CCSER1: variants seen among roughly 807,000 people sequenced by gnomAD.
CCSER1 encodes coiled-coil serine rich protein 1.
In CCSER1, 41 loss-of-function variants were observed where a neutral mutation model predicts 82.0. The observed-to-expected ratio is 0.50, with a 90% CI of 0.39 to 0.65. CCSER1 has a LOEUF of 0.65. CCSER1 is among the 30% of genes least tolerant of loss of function. The probability of loss-of-function intolerance (pLI) is 0.00; values close to 1 mark genes in which losing one functional copy is unlikely to be tolerated. For missense variants in CCSER1, 1,119 were observed against 1,064.2 expected, an observed-to-expected ratio of 1.05 and a Z score of -0.72; for synonymous variants, 414 against 383.9, an observed-to-expected ratio of 1.08 and a Z score of -0.92.
At chr4:90,584,361 A>G (rs545856069) in intron 5 of CCSER1, among the ~76,000 whole-genome samples, 93 of 152,190 alleles carry the variant, frequency 6.1e-4, no homozygotes, top group Non-Finnish European at 1.2e-3. Context: ...GGTGGCTTCT[A>G]GTTGCTAAGA....
chr4:90,535,019 A>C (rs1305412844), intron 5 of CCSER1, among the ~76,000 whole-genome samples: 2 of 152,332 alleles, frequency 1.3e-5, no homozygotes, highest in Middle Eastern at 3.4e-3. Context: ...ATATTGAGGA[A>C]CATTGTTCTA....
At chr4:90,832,287 T>C (rs1352097093) in intron 8 of CCSER1, among the ~76,000 whole-genome samples, 1 of 152,142 alleles carries the variant, frequency 6.6e-6, no homozygotes, top group Non-Finnish European at 1.5e-5. Flanking sequence ...CAGTTGTATA[T>C]ATTCAACTAC....
rs145690617 is a variant in CCSER1, at chr4:90,907,640, A to C, written c.2095-15730A>C. ...AAATTCTAATCTGCGTATGAAAGTA[A>C]ACATTTGTCATGTGATGTTACAGTA... On this transcript the variant is annotated intron_variant, in intron 8 of 10. Transcript: ENST00000509176. Among the ~76,000 whole-genome samples, 924 of 152,232 alleles carry C rather than the reference A, an allele frequency of 6.1e-3. 4 individuals carry two copies. Among genetic ancestry groups the C allele is most frequent in the African/African-American group, 0.021 (876 of 41,544 alleles).
chr4:90,900,094 GTTTTT>G (rs70963096), intron 8 of CCSER1, among the ~76,000 whole-genome samples: 1 of 102,162 alleles, frequency 9.8e-6, no homozygotes, highest in South Asian at 3.2e-4. Context: ...TGGTCCCAGA[GTTTTT>G]TTTTTTTTTT....
intron 4 of CCSER1, among the ~76,000 whole-genome samples, chr4:90,434,857 C>T (rs1371522147): frequency 2.6e-5 from 4 of 152,122 alleles, no homozygotes; most frequent in South Asian, 2.1e-4. Context: ...ATTTTAGCAG[C>T]GTTTAGATTA....
intron 10 of CCSER1, among the ~76,000 whole-genome samples, chr4:91,402,541 G>C (rs1669436531): frequency 6.6e-6 from 1 of 152,150 alleles, no homozygotes; most frequent in Non-Finnish European, 1.5e-5. Context: ...TAACATTTAA[G>C]TCTTTAATCC....
chr4:90,264,464 C>G (rs1724895129), intron 1 of CCSER1, among the ~76,000 whole-genome samples: 2 of 152,072 alleles, frequency 1.3e-5, no homozygotes, highest in Non-Finnish European at 2.9e-5. Flanking sequence ...TAGTTTATTA[C>G]AGAATATTTT....
At chr4:90,520,787 T>G (rs1330567032) in intron 5 of CCSER1, among the ~76,000 whole-genome samples, 1 of 152,130 alleles carries the variant, frequency 6.6e-6, no homozygotes, top group Non-Finnish European at 1.5e-5. Context: ...AAAATAGATA[T>G]GTGAAACCTG....
intron 10 of CCSER1, among the ~76,000 whole-genome samples, chr4:91,458,106 T>G (rs1560687153): frequency 1.3e-5 from 2 of 152,166 alleles, no homozygotes; most frequent in Admixed American, 6.6e-5. Context: ...AGTTCTCCAA[T>G]TTTTTTCTTT....
intron 9 of CCSER1, among the ~76,000 whole-genome samples, chr4:91,000,245 GTATAGTATA>G (rs992613614): frequency 6.8e-6 from 1 of 148,104 alleles, no homozygotes; most frequent in African/African-American, 2.5e-5. Context: ...GTATAGTATA[GTATAGTATA>G]GTATAGTATA....
chr4:91,532,886 G>A (rs1761109657), intron 10 of CCSER1, among the ~76,000 whole-genome samples: 1 of 149,800 alleles, frequency 6.7e-6, no homozygotes, highest in East Asian at 2.0e-4. Context: ...AAAAAAAAAA[G>A]TTATGCTTTC....
At chr4:91,544,111 G>A (rs1280192973) in intron 10 of CCSER1, among the ~76,000 whole-genome samples, 1 of 152,042 alleles carries the variant, frequency 6.6e-6, no homozygotes, top group Non-Finnish European at 1.5e-5. Flanking sequence ...TGAAGCTTGT[G>A]CATGCGTCAT....
At chr4:91,594,599 A>G (rs1223259519) in intron 10 of CCSER1, among the ~76,000 whole-genome samples, 1 of 151,708 alleles carries the variant, frequency 6.6e-6, no homozygotes, top group Non-Finnish European at 1.5e-5. Context: ...GATGTTTCCT[A>G]TGTACTTCTA....
intron 10 of CCSER1, among the ~76,000 whole-genome samples, chr4:91,311,235 T>C (rs1341115467): frequency 3.3e-5 from 5 of 151,954 alleles, no homozygotes; most frequent in Non-Finnish European, 7.4e-5. Context: ...TTTAAGTACC[T>C]GCTAAAAAGC....
At chr4:91,270,223 A>T (rs1463081336) in intron 10 of CCSER1, among the ~76,000 whole-genome samples, 1 of 151,740 alleles carries the variant, frequency 6.6e-6, no homozygotes, top group Non-Finnish European at 1.5e-5. Flanking sequence ...TTGCTTTTTG[A>T]TGTGTGTGCC....
chr4:90,534,972 A>G (rs1775129279), intron 5 of CCSER1, among the ~76,000 whole-genome samples: 1 of 152,206 alleles, frequency 6.6e-6, no homozygotes, highest in African/African-American at 2.4e-5. Context: ...CAGAATCTGT[A>G]TTTAACAAAA....
chr4:90,940,594 G>T (rs1731477761), intron 9 of CCSER1, among the ~76,000 whole-genome samples: 1 of 151,942 alleles, frequency 6.6e-6, no homozygotes, highest in Non-Finnish European at 1.5e-5. Flanking sequence ...TAATTTTTGT[G>T]CTATATTCCA....
chr4:90,437,640 G>T (rs1448992170), intron 4 of CCSER1, among the ~76,000 whole-genome samples: 1 of 151,842 alleles, frequency 6.6e-6, no homozygotes, highest in Non-Finnish European at 1.5e-5. Context: ...ATGTTGTTTG[G>T]TTGGTACCTA....
rs968677051 is a variant in CCSER1, at chr4:91,602,335, T to A, written c.*3278T>A. Among the ~76,000 whole-genome samples the A allele has an allele frequency of 1.3e-5, 2 of 151,986 alleles. No homozygotes were observed. Among genetic ancestry groups the A allele is most frequent in the Non-Finnish European group, 1.5e-5 (1 of 67,918 alleles). ...TTTGTTTTGTTTTCTTTGTCTTGTT[T>A]AATAGAGATAATAACCATACACCCC... On this transcript the variant is annotated 3_prime_UTR_variant, in exon 11 of 11. Coordinates refer to ENST00000509176, the MANE Select transcript of CCSER1 (RefSeq NM_001145065.2).
Sources: gnomAD v4.1 joint callset for allele counts (sites outside exome capture counted in the v4.1 genomes callset) on GRCh38, gnomAD v4.1.1 for gene constraint, MANE v1.5 for transcripts, NCBI Gene and HGNC (gene_info 2026-07-23, HGNC 2026-07-21) for gene names.